SLC22A24: variants seen among roughly 807,000 people sequenced by gnomAD.
The protein encoded by SLC22A24 is solute carrier family 22 member 24, also known as steroid transmembrane transporter SLC22A24.
In SLC22A24, 53 loss-of-function variants were observed where a neutral mutation model predicts 49.8. That is an observed-to-expected ratio of 1.06 (90% CI 0.85 to 1.34). SLC22A24 has a LOEUF of 1.34. SLC22A24 is among the 40% of genes most tolerant of loss of function. SLC22A24 has a pLI of 0.00. For synonymous variants in SLC22A24, 302 were observed against 256.4 expected, an observed-to-expected ratio of 1.18 and a Z score of -1.70; for missense variants, 786 against 675.9, an observed-to-expected ratio of 1.16 and a Z score of -1.81.
At chr11:63,132,215 T>C (rs898323051) in intron 2 of SLC22A24, among the ~76,000 whole-genome samples, 1 of 152,212 alleles carries the variant, frequency 6.6e-6, no homozygotes, top group Non-Finnish European at 1.5e-5. Flanking sequence ...TTCCTTGAAA[T>C]GGGTTAGAAC....
Position 63,101,238 on chromosome 11 carries a change from C to T in SLC22A24, c.954+2937G>A, listed in dbSNP as rs150064095. Among the ~76,000 whole-genome samples, 178 of 151,578 alleles carry T rather than the reference C, an allele frequency of 1.2e-3. 1 individual carries two copies. The highest frequency in any genetic ancestry group is 4.1e-3 in the African/African-American group (168 of 41,374). ...ATGTAAATTAGTACAATCACTACGG[C>T]AAATATTTTGGAGGTTACTCAAAAA... is the stretch of plus-strand genomic sequence containing the variant. On this transcript the variant is annotated intron_variant, in intron 5 of 9. Coordinates refer to ENST00000612278, the MANE Select transcript of SLC22A24 (RefSeq NM_001136506.2).
intron 4 of SLC22A24, among the ~76,000 whole-genome samples, chr11:63,117,712 C>G (rs987304752): frequency 6.6e-6 from 1 of 152,190 alleles, no homozygotes; most frequent in African/African-American, 2.4e-5. Context: ...TTTCTTTTCT[C>G]TAGCTTACTT....
rs796876491 is a variant in SLC22A24 at position 63,142,580 on chromosome 11, A to G, written c.402+798T>C. 3.9e-5 allele frequency among the ~76,000 whole-genome samples: 6 copies of G among 152,162 alleles called. No homozygotes were observed. The South Asian group carries it at 1.2e-3, about 32-fold the overall frequency. ...AACGTTAGCCACAGGATTAGAAATT[A>G]TCATTTAGTAGTCACACAGCTGGAG... On this transcript the variant is annotated intron_variant, in intron 1 of 9. Coordinates refer to ENST00000612278, the MANE Select transcript of SLC22A24 (RefSeq NM_001136506.2).
At chr11:63,106,570 C>T (rs2087123141) in intron 4 of SLC22A24, among the ~76,000 whole-genome samples, 1 of 152,172 alleles carries the variant, frequency 6.6e-6, no homozygotes, top group Admixed American at 6.5e-5. Context: ...TCCTATTTCT[C>T]CACATCCTCT....
chr11:63,092,235 G>C (rs2087024661), intron 6 of SLC22A24, among the ~76,000 whole-genome samples: 1 of 151,652 alleles, frequency 6.6e-6, no homozygotes, highest in Admixed American at 6.6e-5. Flanking sequence ...ACATACCAGT[G>C]CTCAAGGAAT....
chr11:63,106,576 C>G (rs1468170594), intron 4 of SLC22A24, among the ~76,000 whole-genome samples: 3 of 152,184 alleles, frequency 2.0e-5, no homozygotes, highest in Non-Finnish European at 4.4e-5. Context: ...TTCTCCACAT[C>G]CTCTCCAGCA....
intron 4 of SLC22A24, among the ~76,000 whole-genome samples, chr11:63,106,093 C>A (rs1367331343): frequency 7.3e-6 from 1 of 137,538 alleles, no homozygotes; most frequent in Admixed American, 7.5e-5. Context: ...CCCCCCACCC[C>A]ACAACAGTCC....
intron 1 of SLC22A24, among the ~76,000 whole-genome samples, chr11:63,138,850 C>CGG (rs2087394783): frequency 6.6e-6 from 1 of 151,980 alleles, no homozygotes; most frequent in African/African-American, 2.4e-5. Flanking sequence ...TTTTTCCCCC[C>CGG]CATGGATAGC....
chr11:63,095,234 G>A (rs1317388782), intron 6 of SLC22A24, among the ~76,000 whole-genome samples: 1 of 151,742 alleles, frequency 6.6e-6, no homozygotes, highest in Non-Finnish European at 1.5e-5. Flanking sequence ...CATCCAGTTT[G>A]GAATATTGAT....
chr11:63,081,176 G>A (rs1448587597), intron 8 of SLC22A24, 53 bp from the exon 9 acceptor site: 29 of 1,421,598 alleles, frequency 2.0e-5, no homozygotes, highest in Non-Finnish European at 2.4e-5. Context: ...GTACATGTCA[G>A]CTCTTTATCA....
chr11:63,106,761 C>G (rs1344500316), intron 4 of SLC22A24, among the ~76,000 whole-genome samples: 1 of 152,128 alleles, frequency 6.6e-6, no homozygotes, highest in East Asian at 1.9e-4. Context: ...CCTTCACCCA[C>G]TTTTTGATGG....
intron 6 of SLC22A24, among the ~76,000 whole-genome samples, chr11:63,088,829 G>T (rs1231998736): frequency 6.6e-6 from 1 of 151,902 alleles, no homozygotes; most frequent in Non-Finnish European, 1.5e-5. Context: ...GGATATCAGA[G>T]AATGAAGATC....
chr11:63,117,373 C>T (rs1480474724), intron 4 of SLC22A24, among the ~76,000 whole-genome samples: 1 of 152,164 alleles, frequency 6.6e-6, no homozygotes, highest in African/African-American at 2.4e-5. Context: ...TAGTTGTCTG[C>T]AACCAATACT....
chr11:63,103,850 C>T (rs1023719895), intron 5 of SLC22A24, among the ~76,000 whole-genome samples: 4 of 152,108 alleles, frequency 2.6e-5, no homozygotes, highest in Admixed American at 6.6e-5. Context: ...TATTGGCTTT[C>T]TTATTTTCCC....
intron 6 of SLC22A24, among the ~76,000 whole-genome samples, chr11:63,090,663 C>CAATAAATAAATAAATAAATAAATA (rs58585722): frequency 7.1e-4 from 98 of 138,034 alleles, no homozygotes; most frequent in South Asian, 5.5e-3. Flanking sequence ...ACTTAAAGTA[C>CAATAAATAAATAAATAAATAAATA]AATAAATAAA....
chr11:63,116,346 C>T (rs1056913286), intron 4 of SLC22A24: 1 of 199,434 alleles, frequency 5.0e-6, no homozygotes, highest in Admixed American at 5.8e-5. Context: ...TATGTCTGCA[C>T]CTTAAGCCGC....
chr11:63,134,192 G>T (rs1362105560), intron 2 of SLC22A24, among the ~76,000 whole-genome samples: 1 of 151,988 alleles, frequency 6.6e-6, no homozygotes, highest in Non-Finnish European at 1.5e-5. Context: ...TATGCTGCAG[G>T]TATGAAATGA....
intron 7 of SLC22A24, 132 bp from the exon 8 acceptor site, chr11:63,081,798 G>T: frequency 1.5e-6 from 1 of 665,530 alleles, no homozygotes; most frequent in East Asian, 2.7e-5. Flanking sequence ...ACATGCCAGA[G>T]ATTGGGGAAT....
At position 63,119,032 on chromosome 11, in the gene SLC22A24, A is replaced by G. The variant is rs2087232143; in HGVS notation, c.710T>C (p.Leu237Pro). 6.4e-7 allele frequency: 1 copy of G among 1,551,622 alleles called. No homozygotes were observed. The highest frequency in any genetic ancestry group is 1.2e-5 in the South Asian group (1 of 84,050). ...CTGCCCAACACTGTAGGAACATAAT[A>G]GCACCATTATTGTCATAGATCGTGA... ...PRSRSMTIMV[L>P]LCSYSVGQML... is the part of the protein sequence containing the mutation. The change falls in exon 4 of 10, where the codon CTA (leucine) becomes CCA (proline). Residue 237 changes from leucine (L) to proline (P), a missense_variant. Leu to Pro is a moderately conservative substitution (Grantham distance 98). Transcript: ENST00000612278.
Sources: gnomAD v4.1 joint callset for allele counts (sites outside exome capture counted in the v4.1 genomes callset) on GRCh38, gnomAD v4.1.1 for gene constraint, MANE v1.5 for transcripts, NCBI Gene and HGNC (gene_info 2026-07-23, HGNC 2026-07-21) for gene names.